ST7L: variants seen among roughly 807,000 people sequenced by gnomAD.
The protein encoded by ST7L is suppressor of tumorigenicity 7 protein-like.
Under a neutral mutation model 72.5 loss-of-function variants are expected in ST7L, and 57 were observed. That is an observed-to-expected ratio of 0.79 (90% confidence interval 0.64 to 0.98). ST7L has a LOEUF of 0.98. Ranked by LOEUF, ST7L falls within the 50% of genes least tolerant of loss-of-function variation. ST7L has a pLI of 0.00. For missense variants in ST7L, 576 were observed against 672.2 expected, an observed-to-expected ratio of 0.86 and a Z score of 1.58; for synonymous variants, 221 against 240.9, an observed-to-expected ratio of 0.92 and a Z score of 0.77.
intron 2 of ST7L, among the ~76,000 whole-genome samples, chr1:112,613,277 A>C (rs550029356): frequency 6.6e-6 from 1 of 152,322 alleles, no homozygotes; most frequent in Admixed American, 6.5e-5. Flanking sequence ...CAATGGTAAT[A>C]ATAACTGCAA....
chr1:112,568,861 A>AATATATATATATATATAT (rs377429784), intron 11 of ST7L, among the ~76,000 whole-genome samples: 4 of 114,880 alleles, frequency 3.5e-5, no homozygotes, highest in East Asian at 4.0e-4. Context: ...TATAAATATA[A>AATATATATATATATATAT]ATATATATAT....
intron 13 of ST7L, among the ~76,000 whole-genome samples, chr1:112,542,356 A>T (rs985519475): frequency 6.6e-6 from 1 of 152,114 alleles, no homozygotes; most frequent in Non-Finnish European, 1.5e-5. Flanking sequence ...TGCTGAGGTG[A>T]TTTTGAAAAA....
At chr1:112,619,229 G>A (rs1670459593), upstream of ST7L, 3 of 960,498 alleles carry the variant, frequency 3.1e-6, no homozygotes, top group East Asian at 2.6e-5. Flanking sequence ...CTGAGTCCTG[G>A]GGAACCGGGA....
At chr1:112,618,169 G>A in intron 1 of ST7L, 2 of 1,238,326 alleles carry the variant, frequency 1.6e-6, no homozygotes, top group Non-Finnish European at 2.1e-6. Context: ...AGGGGACCTG[G>A]GCCCTAAACA....
intron 14 of ST7L, 128 bp from the exon 15 acceptor site, chr1:112,526,239 T>C: frequency 7.7e-7 from 1 of 1,292,268 alleles, no homozygotes; most frequent in Non-Finnish European, 1.1e-6. Flanking sequence ...AACCAATGGC[T>C]CTTTTGCCAT....
In ST7L at chr1:112,535,394, TAAGAAGAAGAAGAAG is replaced by T. The variant is rs369981750; in HGVS notation, c.1629+6542_1629+6556del. On this transcript the variant is annotated intron_variant, in intron 14 of 14. Coordinates refer to ENST00000358039, the MANE Select transcript of ST7L (RefSeq NM_017744.5). The stretch of plus-strand genomic sequence containing the variant: ...CTCCAAATAATAATACTAATAATAA[TAAGAAGAAGAAGAAG>T]AAGAAGAAGAAGATGAAGAAGAAGA... 5.4e-5 allele frequency among the ~76,000 whole-genome samples: 8 copies of T among 149,214 alleles called. No individual in the cohort carries two copies. In the South Asian group the frequency reaches 1.7e-3, roughly 32 times the overall value.
At chr1:112,594,520 C>CCTAGGGGA in intron 5 of ST7L, among the ~76,000 whole-genome samples, 1 of 152,176 alleles carries the variant, frequency 6.6e-6, no homozygotes, top group East Asian at 1.9e-4. Context: ...ATGGATTGCT[C>CCTAGGGGA]CTAGGGGAAG....
At position 112,577,957 on chromosome 1, in the gene ST7L, C is replaced by A. The variant is rs551920843; in HGVS notation, c.1142+388G>T. 4.6e-5 allele frequency among the ~76,000 whole-genome samples: 7 copies of A among 152,326 alleles called. No homozygotes were observed. In the South Asian group the frequency reaches 1.2e-3, roughly 27 times the overall value. On this transcript the variant is annotated intron_variant, in intron 10 of 14. Transcript: ENST00000358039. ...GAGATAACATAAGCCTATTTCCCTA[C>A]TACACACTTTATCATCATCATCATA... is the stretch of plus-strand genomic sequence containing the variant.
chr1:112,522,450 A>T (rs1406490077), downstream of ST7L: 1 of 152,234 alleles, frequency 6.6e-6, no homozygotes, highest in Non-Finnish European at 1.5e-5. Flanking sequence ...AGGACTATAA[A>T]GTATTAACAA....
intron 14 of ST7L, chr1:112,528,612 T>C (rs966171454): frequency 6.6e-6 from 1 of 152,202 alleles, no homozygotes; most frequent in Non-Finnish European, 1.5e-5. Context: ...TCCAGTACTG[T>C]GATACATTAA....
At chr1:112,545,532 C>G (rs1240260677) in intron 13 of ST7L, among the ~76,000 whole-genome samples, 1 of 152,188 alleles carries the variant, frequency 6.6e-6, no homozygotes, top group Non-Finnish European at 1.5e-5. Flanking sequence ...ACAAGAACTA[C>G]CACCACCACC....
chr1:112,526,320 C>T (rs915702830), intron 14 of ST7L: 1 of 492,824 alleles, frequency 2.0e-6, no homozygotes, highest in Non-Finnish European at 3.5e-6. Context: ...AACTCTGGCT[C>T]CTAATTCTAC....
At chr1:112,562,984 C>T (rs1660423708) in intron 11 of ST7L, among the ~76,000 whole-genome samples, 1 of 151,976 alleles carries the variant, frequency 6.6e-6, no homozygotes, top group Non-Finnish European at 1.5e-5. Context: ...ATATACCAAA[C>T]AGTAACAGGT....
chr1:112,616,710 T>G (rs1479138461), intron 2 of ST7L, 103 bp downstream of exon 2: 1 of 771,384 alleles, frequency 1.3e-6, no homozygotes, highest in African/African-American at 1.9e-5. Context: ...GCCACTGCAC[T>G]CCAGCCTGGG....
At chr1:112,617,797 C>T (rs11102514) in intron 1 of ST7L, among the ~76,000 whole-genome samples, 30,130 of 151,784 alleles carry the variant, frequency 0.2, 3,844 homozygotes, top group East Asian at 0.47. Flanking sequence ...CAACTATTCT[C>T]ATCTAAATGT....
At chr1:112,602,943 C>T (rs1667657134) in intron 3 of ST7L, among the ~76,000 whole-genome samples, 1 of 151,926 alleles carries the variant, frequency 6.6e-6, no homozygotes, top group Non-Finnish European at 1.5e-5. Flanking sequence ...TGGTCTTGAT[C>T]TGCTGACCTC....
At chr1:112,547,723 G>A (rs930661790) in intron 13 of ST7L, among the ~76,000 whole-genome samples, 3 of 149,610 alleles carry the variant, frequency 2.0e-5, no homozygotes, top group South Asian at 4.3e-4. Flanking sequence ...CCACCATGCC[G>A]GGCTAATTTT....
chr1:112,564,675 G>A (rs1660674871), intron 11 of ST7L, among the ~76,000 whole-genome samples: 1 of 151,978 alleles, frequency 6.6e-6, no homozygotes, highest in Admixed American at 6.6e-5. Context: ...AAATTGCCCA[G>A]GTGTGGTGGC....
chr1:112,610,867 T>A lies in ST7L; in HGVS notation c.425A>T (p.Asn142Ile). The A allele has an allele frequency of 6.2e-7, 1 of 1,614,044 alleles. No individual in the cohort carries two copies. Among genetic ancestry groups the A allele is most frequent in the Non-Finnish European group, 8.5e-7 (1 of 1,180,000 alleles). Residue 142 changes from asparagine (N) to isoleucine (I), a missense_variant, in exon 3 of 15, where the codon AAT becomes ATT. Physicochemically the swap from Asn to Ile is moderately radical, Grantham distance 149. This residue lies in a region of ST7L where 511 missense variants were observed against 600.7 expected (regional missense o/e 0.85). Coordinates refer to ENST00000358039, the MANE Select transcript of ST7L (RefSeq NM_017744.5). Reference protein sequence around the residue: ...EPGSPSRNRENETSRQNLSEC... With the variant: ...EPGSPSRNREIETSRQNLSEC... The stretch of plus-strand genomic sequence containing the variant: ...TGACAAATTCTGTCTGCTGGTTTCA[T>A]TTTCTCTGTTCCTCGAAGGAGAACC...
Sources: gnomAD v4.1 joint callset for allele counts (sites outside exome capture counted in the v4.1 genomes callset) on GRCh38, gnomAD v4.1.1 for gene constraint, gnomAD v4.1.1 regional missense constraint, MANE v1.5 for transcripts, NCBI Gene and HGNC (gene_info 2026-07-23, HGNC 2026-07-21) for gene names.